Variants in SLC4A10 observed in about 807,000 individuals in gnomAD.
The protein encoded by SLC4A10 is solute carrier family 4 member 10.
Under a neutral mutation model 137.7 loss-of-function variants are expected in SLC4A10, and 42 were observed. That is an observed-to-expected ratio of 0.30 (90% CI 0.24 to 0.39). The LOEUF (loss-of-function observed/expected upper bound fraction) is 0.39, where lower values mean the gene tolerates loss of function less well. SLC4A10 is among the 10% of genes least tolerant of loss of function. The pLI is 1.00. For synonymous variants in SLC4A10, 474 were observed against 464.1 expected (o/e 1.02, Z -0.27); for missense variants, 925 against 1,355.0 (o/e 0.68, Z 4.98).
intron 1 of SLC4A10, among the ~76,000 whole-genome samples, chr2:161,665,399 A>G (rs1053491815): frequency 6.6e-6 from 1 of 151,804 alleles, no homozygotes; most frequent in Non-Finnish European, 1.5e-5. Context: ...CTAACTAAAT[A>G]TGACACTTTT....
chr2:161,945,925 GA>G (rs1693714942), intron 16 of SLC4A10, among the ~76,000 whole-genome samples: 1 of 151,856 alleles, frequency 6.6e-6, no homozygotes, highest in African/African-American at 2.4e-5. Flanking sequence ...CAAATTTATA[GA>G]TAATGTGTTT....
chr2:161,838,212 T>C (rs756570724), intron 3 of SLC4A10, among the ~76,000 whole-genome samples: 24 of 152,188 alleles, frequency 1.6e-4, no homozygotes, highest in Non-Finnish European at 3.2e-4. Flanking sequence ...ATACTTTTTC[T>C]GTGTCTTTTA....
chr2:161,967,915 A>G (rs1472388621), intron 23 of SLC4A10, among the ~76,000 whole-genome samples: 1 of 151,710 alleles, frequency 6.6e-6, no homozygotes, highest in Admixed American at 6.6e-5. Flanking sequence ...AGTAACTTAC[A>G]TATCTAATTT....
chr2:161,840,119 C>T (rs968307069), intron 4 of SLC4A10, among the ~76,000 whole-genome samples, 192 bp downstream of exon 4: 2 of 152,096 alleles, frequency 1.3e-5, no homozygotes, highest in Admixed American at 6.6e-5. Flanking sequence ...TTACAGTAAA[C>T]GGTGATGCAG....
chr2:161,677,015 G>A (rs1251453308), intron 1 of SLC4A10, among the ~76,000 whole-genome samples: 1 of 152,090 alleles, frequency 6.6e-6, no homozygotes, highest in Admixed American at 6.6e-5. Context: ...GTTTGGCCCT[G>A]TCAAGTCTCA....
At chr2:161,952,976 A>G (rs920747959) in intron 19 of SLC4A10, among the ~76,000 whole-genome samples, 1 of 152,184 alleles carries the variant, frequency 6.6e-6, no homozygotes, top group Admixed American at 6.6e-5. Context: ...TCACTAAAAG[A>G]TGTGTTTCTT....
chr2:161,680,024 C>A (rs531536273), intron 1 of SLC4A10, among the ~76,000 whole-genome samples: 1 of 152,082 alleles, frequency 6.6e-6, no homozygotes, highest in Non-Finnish European at 1.5e-5. Flanking sequence ...TCTGAATTCA[C>A]TATGATACTT....
chr2:161,791,715 A>T (rs908939616), intron 2 of SLC4A10, among the ~76,000 whole-genome samples: 1 of 152,322 alleles, frequency 6.6e-6, no homozygotes, highest in Admixed American at 6.5e-5. Context: ...ATTTTTTCAC[A>T]TAATTTGTGT....
intron 15 of SLC4A10, among the ~76,000 whole-genome samples, chr2:161,929,190 T>G (rs1689851882): frequency 6.6e-6 from 1 of 152,234 alleles, no homozygotes; most frequent in African/African-American, 2.4e-5. Context: ...AATATATTAC[T>G]AATTTACTTC....
Position 161,957,199 on chromosome 2 carries a change from A to G in SLC4A10, c.2752A>G (p.Ile918Val). ...AAGGGTTACTGGGCTTATGATTTTT[A>G]TTCTTATGGGTTCATCAGTCTTTAT... ...EQRVTGLMIF[I>V]LMGSSVFMTS... The change falls in exon 20 of 27, where the codon ATT (isoleucine) becomes GTT (valine). Residue 918 changes from isoleucine to valine, a missense_variant. By Grantham distance (29) the Ile-to-Val change is conservative. Around this residue, in one of 11 missense-constraint regions of SLC4A10, gnomAD observed 115 missense variants for 237.5 expected, o/e 0.48. Coordinates refer to ENST00000446997, the MANE Select transcript of SLC4A10 (RefSeq NM_001178015.2). The G allele has an allele frequency of 1.9e-6, 3 of 1,613,686 alleles. No individual in the cohort carries two copies. The African/African-American group carries it at 4.0e-5, about 22-fold the overall frequency.
intron 1 of SLC4A10, among the ~76,000 whole-genome samples, chr2:161,764,191 G>A (rs961705245): frequency 6.6e-6 from 1 of 152,022 alleles, no homozygotes. Context: ...GAATAAGAAG[G>A]ATCTCTACAT....
chr2:161,767,875 C>A (rs564700401), intron 1 of SLC4A10, among the ~76,000 whole-genome samples: 3 of 152,084 alleles, frequency 2.0e-5, no homozygotes, highest in South Asian at 2.1e-4. Context: ...CTACAATTTT[C>A]TTTGTTTGTT....
chr2:161,884,443 A>G (rs927889723), intron 10 of SLC4A10, among the ~76,000 whole-genome samples: 2 of 152,184 alleles, frequency 1.3e-5, no homozygotes, highest in African/African-American at 2.4e-5. Flanking sequence ...TTCTTGACTA[A>G]CCAAGTGGAC....
chr2:161,983,076 T>C (rs1439981585), intron 26 of SLC4A10, 103 bp from the exon 27 acceptor site: 1 of 984,272 alleles, frequency 1.0e-6, no homozygotes, highest in Admixed American at 2.3e-5. Context: ...CTACGGGCTC[T>C]TGTGGTGCTT....
chr2:161,869,430 T>C (rs1453095924), intron 6 of SLC4A10, among the ~76,000 whole-genome samples: 1 of 151,634 alleles, frequency 6.6e-6, no homozygotes, highest in Non-Finnish European at 1.5e-5. Flanking sequence ...TGATTACAAT[T>C]GATAATAGAA....
chr2:161,876,051 C>T (rs183032466), intron 8 of SLC4A10, among the ~76,000 whole-genome samples: 1 of 152,218 alleles, frequency 6.6e-6, no homozygotes, highest in Middle Eastern at 3.4e-3. Flanking sequence ...TCCTTGTTCC[C>T]TAGAAATGTA....
intron 20 of SLC4A10, 105 bp from the exon 21 acceptor site, chr2:161,958,382 T>G: frequency 2.4e-6 from 2 of 825,532 alleles, no homozygotes; most frequent in Non-Finnish European, 4.0e-6. Context: ...ACTATACTGT[T>G]TCTATTCAAA....
chr2:161,694,803 T>G (rs2042328100), intron 1 of SLC4A10, among the ~76,000 whole-genome samples: 1 of 152,054 alleles, frequency 6.6e-6, no homozygotes, highest in Non-Finnish European at 1.5e-5. Context: ...GAAGAAATAT[T>G]AACACATCCC....
At chr2:161,724,134 C>G (rs2045976028) in intron 1 of SLC4A10, among the ~76,000 whole-genome samples, 1 of 152,156 alleles carries the variant, frequency 6.6e-6, no homozygotes, top group East Asian at 1.9e-4. Context: ...TTTTCTTTCT[C>G]TTCACCTGGA....
Sources: gnomAD v4.1 joint callset for allele counts (sites outside exome capture counted in the v4.1 genomes callset) on GRCh38, gnomAD v4.1.1 for gene constraint, gnomAD v4.1.1 regional missense constraint, MANE v1.5 for transcripts, NCBI Gene and HGNC (gene_info 2026-07-23, HGNC 2026-07-21) for gene names.